The following PEAK1 variants were observed in gnomAD, a reference collection of about 807,000 sequenced individuals.
The protein encoded by PEAK1 is inactive tyrosine-protein kinase PEAK1.
In PEAK1, 54 loss-of-function variants were observed where a neutral mutation model predicts 124.7. That is an observed-to-expected ratio of 0.43 (90% CI 0.35 to 0.54). The LOEUF is 0.54. Among genes scored for constraint, PEAK1 ranks in the 20% least tolerant of loss-of-function variants. PEAK1 has a pLI of 0.01. For missense variants in PEAK1, 2,046 were observed against 2,134.5 expected, an observed-to-expected ratio of 0.96 and a Z score of 0.82; for synonymous variants, 719 against 760.0, an observed-to-expected ratio of 0.95 and a Z score of 0.89.
intron 6 of PEAK1, among the ~76,000 whole-genome samples, chr15:77,197,521 TTC>T (rs1360798582): frequency 1.3e-5 from 2 of 152,184 alleles, no homozygotes; most frequent in Non-Finnish European, 2.9e-5. Context: ...TTTGATAGAT[TTC>T]TGTTATTTTT....
chr15:77,347,624 T>C, intron 2 of PEAK1: 1 of 984,540 alleles, frequency 1.0e-6, no homozygotes. Flanking sequence ...CCAGAGACTT[T>C]AAAAAAATTT....
In PEAK1 at chr15:77,179,665, C is replaced by T. The variant is rs778353077; in HGVS notation, c.2262G>A (p.Val754=). ...KIEGTQESQM[V]GSSSTREKAS... ...CTTTCTCTCTGGTGCTGCTGCTGCC[C>T]ACCATCTGAGACTCCTGAGTGCCTT... Residue 754 remains valine (V), a synonymous_variant, in exon 7 of 10, where the codon GTG becomes GTA. Transcript: ENST00000682557. 3.7e-6 allele frequency: 6 copies of T among 1,614,000 alleles called. No homozygotes were observed. The highest frequency in any genetic ancestry group is 5.1e-6 in the Non-Finnish European group (6 of 1,180,028).
intron 5 of PEAK1, among the ~76,000 whole-genome samples, chr15:77,265,457 A>G (rs1322497484): frequency 1.3e-5 from 2 of 152,230 alleles, no homozygotes; most frequent in Admixed American, 6.5e-5. Context: ...ACATGAACAG[A>G]CACTTCTCAA....
intron 1 of PEAK1, among the ~76,000 whole-genome samples, chr15:77,370,475 G>A (rs2068563704): frequency 6.6e-6 from 1 of 152,192 alleles, no homozygotes; most frequent in South Asian, 2.1e-4. Flanking sequence ...AAGAAAAAGG[G>A]ACGTTCCAGG....
At chr15:77,245,367 A>C (rs1273908549) in intron 6 of PEAK1, among the ~76,000 whole-genome samples, 1 of 152,064 alleles carries the variant, frequency 6.6e-6, no homozygotes, top group Non-Finnish European at 1.5e-5. Flanking sequence ...ATAATTGAAA[A>C]AAAAAAAAGG....
At chr15:77,260,146 A>C (rs1458967874) in intron 5 of PEAK1, among the ~76,000 whole-genome samples, 1 of 152,150 alleles carries the variant, frequency 6.6e-6, no homozygotes, top group Non-Finnish European at 1.5e-5. Context: ...TATACAAAGC[A>C]ATCAGCAGGG....
intron 6 of PEAK1, among the ~76,000 whole-genome samples, chr15:77,184,961 T>G (rs1158032541): frequency 4.6e-5 from 7 of 152,116 alleles, no homozygotes; most frequent in African/African-American, 1.7e-4. Flanking sequence ...AAACCTGACT[T>G]TAAAAAGACA....
chr15:77,245,677 C>T (rs1596840745), intron 6 of PEAK1, among the ~76,000 whole-genome samples: 1 of 151,720 alleles, frequency 6.6e-6, no homozygotes, highest in African/African-American at 2.4e-5. Context: ...CCAGCCTGGC[C>T]TGGGAAACCG....
chr15:77,151,230 T>C (rs1208155269), intron 8 of PEAK1, among the ~76,000 whole-genome samples: 1 of 150,978 alleles, frequency 6.6e-6, no homozygotes. Flanking sequence ...TGGTATCTCA[T>C]TGCAGTTTTG....
intron 2 of PEAK1, among the ~76,000 whole-genome samples, chr15:77,308,452 C>T (rs1160778998): frequency 6.6e-6 from 1 of 152,074 alleles, no homozygotes; most frequent in East Asian, 1.9e-4. Flanking sequence ...TTACTTTCAA[C>T]ATACCCCTCA....
chr15:77,402,573 C>T (rs1170133376), intron 1 of PEAK1: 1 of 977,002 alleles, frequency 1.0e-6, no homozygotes, highest in Non-Finnish European at 1.2e-6. Context: ...TTTCTGTCAT[C>T]AAATAATGAA....
intron 2 of PEAK1, chr15:77,335,706 GTCTC>G: frequency 1.1e-6 from 1 of 901,432 alleles, no homozygotes; most frequent in Non-Finnish European, 1.3e-6. Flanking sequence ...GCCCAGGCTG[GTCTC>G]AAACTACTGA....
At chr15:77,405,250 C>T (rs1020217201) in intron 1 of PEAK1, among the ~76,000 whole-genome samples, 5 of 151,894 alleles carry the variant, frequency 3.3e-5, no homozygotes, top group Admixed American at 3.3e-4. Context: ...GTGATCTGCC[C>T]GCCTCAGCCT....
intron 1 of PEAK1, among the ~76,000 whole-genome samples, chr15:77,367,289 T>A (rs543982817): frequency 6.6e-6 from 1 of 152,202 alleles, no homozygotes; most frequent in African/African-American, 2.4e-5. Flanking sequence ...GTCTACTCAA[T>A]TTTTTCATGT....
intron 6 of PEAK1, among the ~76,000 whole-genome samples, chr15:77,244,470 G>C (rs1238995196): frequency 1.6e-4 from 24 of 152,174 alleles, no homozygotes; most frequent in Admixed American, 1.6e-3. Context: ...AGCTAGGGAA[G>C]CCAATAGGGA....
intron 5 of PEAK1, among the ~76,000 whole-genome samples, chr15:77,262,857 AG>A (rs2061514378): frequency 6.6e-6 from 1 of 152,216 alleles, no homozygotes. Flanking sequence ...TTGGAAGTAA[AG>A]CAGTCCTCAG....
intron 5 of PEAK1, among the ~76,000 whole-genome samples, chr15:77,253,938 C>G (rs2152928155): frequency 6.6e-6 from 1 of 152,238 alleles, no homozygotes; most frequent in Non-Finnish European, 1.5e-5. Flanking sequence ...CCTGCCTCAG[C>G]CTCCTGAGTA....
At chr15:77,314,765 G>A (rs949524452) in intron 2 of PEAK1, among the ~76,000 whole-genome samples, 16 of 152,266 alleles carry the variant, frequency 1.1e-4, no homozygotes, top group African/African-American at 2.4e-4. Context: ...TACTTAAGAT[G>A]TTTATTAATA....
At chr15:77,102,939 A>G (rs1188283787) in exon 7 of PEAK1, 3 of 152,206 alleles carry the variant, frequency 2.0e-5, no homozygotes, top group Non-Finnish European at 2.9e-5. Flanking sequence ...AAAATTTGAG[A>G]CAACCTGATA....
Sources: allele counts gnomAD v4.1 joint callset (sites outside exome capture counted in the v4.1 genomes callset), GRCh38; gene constraint gnomAD v4.1.1; transcripts MANE v1.5; gene names NCBI Gene and HGNC (gene_info 2026-07-23, HGNC 2026-07-21).